The following CAMK1 variants were observed in gnomAD, a reference collection of about 807,000 sequenced individuals.
The protein encoded by CAMK1 is calcium/calmodulin dependent protein kinase I.
A neutral mutation model predicts 49.1 loss-of-function variants in CAMK1; 39 were observed. The observed-to-expected ratio is 0.79, with a 90% CI of 0.62 to 1.04. The LOEUF is 1.04. Among genes scored for constraint, CAMK1 ranks in the 50% least tolerant of loss-of-function variants. CAMK1 has a pLI of 0.00. For synonymous variants in CAMK1, 192 were observed against 185.2 expected, an observed-to-expected ratio of 1.04 and a Z score of -0.30; for missense variants, 457 against 472.2, an observed-to-expected ratio of 0.97 and a Z score of 0.30.
chr3:9,761,865 AC>A (rs2077893042), intron 5 of CAMK1, 108 bp from the exon 6 acceptor site: 15 of 1,483,622 alleles, frequency 1.0e-5, no homozygotes, highest in Non-Finnish European at 1.2e-5. Context: ...CCCAAAAGCC[AC>A]TGTGGCTTCA....
intron 2 of CAMK1, among the ~76,000 whole-genome samples, chr3:9,766,966 C>T (rs1260860718): frequency 6.6e-6 from 1 of 152,174 alleles, no homozygotes; most frequent in East Asian, 1.9e-4. Context: ...AACTGTCCCA[C>T]TTTCATCTCC....
chr3:9,761,348 A>AAGGG lies in CAMK1; in HGVS notation c.632+109_632+112dup, dbSNP rs1241474703. 2.4e-5 allele frequency: 25 copies of AAGGG among 1,059,678 alleles called. No individual in the cohort carries two copies. The South Asian group carries it at 3.8e-4, about 16-fold the overall frequency. The allele number at this position is 1,059,678 out of a possible 1,614,324, so 65.6% of individuals were successfully genotyped here. On this transcript the variant is annotated intron_variant, in intron 7 of 11. Transcript: ENST00000256460. ...ATACTGGTAATTGATTGGTGGAAGGAAGGGAGGGAGGGAAGGAAGGGAGGG... is the reference window on the plus strand; with the variant it reads ...ATACTGGTAATTGATTGGTGGAAGGAAGGGAGGGAGGGAGGGAAGGAAGGGAGGG...
chr3:9,759,164 A>G (rs2125566864), intron 10 of CAMK1: 1 of 1,567,272 alleles, frequency 6.4e-7, no homozygotes, highest in Non-Finnish European at 8.8e-7. Context: ...GCTATGCCTC[A>G]CTAATTCCTA....
intron 10 of CAMK1, 36 bp downstream of exon 10, chr3:9,759,452 G>A (rs1268095356): frequency 2.5e-6 from 4 of 1,613,908 alleles, no homozygotes; most frequent in Non-Finnish European, 2.5e-6. Context: ...AGGAGTCCTG[G>A]GGAGGCTGGG....
intron 8 of CAMK1, chr3:9,760,144 T>C (rs1448359926): frequency 4.9e-6 from 1 of 204,882 alleles, no homozygotes; most frequent in African/African-American, 2.3e-5. Context: ...CTTGGGAGGC[T>C]GAGGCAGAGA....
At chr3:9,765,922 A>C (rs753598242) in intron 2 of CAMK1, 32 bp from the exon 3 acceptor site, 2 of 1,614,006 alleles carry the variant, frequency 1.2e-6, no homozygotes, top group Non-Finnish European at 1.7e-6. Flanking sequence ...AAGGTGAAGA[A>C]CTGGAACCCC....
At chr3:9,758,777 G>T in intron 10 of CAMK1, 1 of 227,044 alleles carries the variant, frequency 4.4e-6, no homozygotes, top group Non-Finnish European at 8.9e-6. Flanking sequence ...TTACAGGCAC[G>T]CACCACCATG....
intron 1 of CAMK1, among the ~76,000 whole-genome samples, chr3:9,768,626 TG>T (rs2078222085): frequency 6.6e-6 from 1 of 152,200 alleles, no homozygotes; most frequent in African/African-American, 2.4e-5. Flanking sequence ...GGCCATCGAA[TG>T]GCCTTGGCTG....
chr3:9,764,294 AT>A (rs953511151), intron 3 of CAMK1, among the ~76,000 whole-genome samples: 18 of 150,724 alleles, frequency 1.2e-4, no homozygotes, highest in East Asian at 7.8e-4. Flanking sequence ...ATGGTAATTG[AT>A]TTTTTTTTTC....
intron 5 of CAMK1, 100 bp from the exon 6 acceptor site, chr3:9,761,857 C>A: frequency 6.6e-7 from 1 of 1,505,086 alleles, no homozygotes; most frequent in East Asian, 2.3e-5. Flanking sequence ...AATGGATCCC[C>A]AAAAGCCACT....
At chr3:9,764,844 C>T (rs1053467649) in intron 3 of CAMK1, among the ~76,000 whole-genome samples, 14 of 151,672 alleles carry the variant, frequency 9.2e-5, no homozygotes, top group Non-Finnish European at 1.8e-4. Flanking sequence ...GTTGGTCAGG[C>T]GATAATTGAT....
At chr3:9,765,506 G>T (rs1327001468) in intron 3 of CAMK1, among the ~76,000 whole-genome samples, 1 of 152,186 alleles carries the variant, frequency 6.6e-6, no homozygotes, top group African/African-American at 2.4e-5. Context: ...CTTTACACCT[G>T]ATTGAACAGT....
At chr3:9,769,321 C>G (rs1014483045) in intron 1 of CAMK1, among the ~76,000 whole-genome samples, 5 of 152,080 alleles carry the variant, frequency 3.3e-5, no homozygotes, top group Non-Finnish European at 5.9e-5. Context: ...CTGGAAGCTC[C>G]TGTATTCCAA....
In CAMK1 at chr3:9,763,403, C is replaced by CAA. The variant is rs571944870; in HGVS notation, c.216-192_216-191dup. 3.2e-3 allele frequency: 242 copies of CAA among 76,066 alleles called. 2 individuals carry two copies. Among genetic ancestry groups the CAA allele is most frequent in the Admixed American group, 0.016 (101 of 6,386 alleles). The allele number at this position is 76,066 out of a possible 1,614,324, so 4.7% of individuals were successfully genotyped here. A position where few individuals can be genotyped will look rare whatever the true frequency, so the allele number is the denominator to read the frequency against. On this transcript the variant is annotated intron_variant, in intron 3 of 11. Coordinates refer to ENST00000256460, the MANE Select transcript of CAMK1 (RefSeq NM_003656.5). Reference sequence around the variant, plus strand: ...TGGGCAACAGAGTAAGACCCTGTCTCAAAAAAAAAAAAAAAAAAACAGCGG... The same window carrying CAA: ...TGGGCAACAGAGTAAGACCCTGTCTCAAAAAAAAAAAAAAAAAAAAACAGCGG...
chr3:9,767,746 G>C lies in CAMK1; in HGVS notation c.4C>G (p.Leu2Val). The C allele has an allele frequency of 6.2e-7, 1 of 1,613,924 alleles. No individual in the cohort carries two copies. Among genetic ancestry groups the C allele is most frequent in the Non-Finnish European group, 8.5e-7 (1 of 1,179,984 alleles). Residue 2 changes from leucine to valine, a missense_variant, in exon 2 of 12, where the codon CTG becomes GTG. Transcript: ENST00000256460. ...CACCTGGGGCCTTCCACTGCCCCCA[G>C]CATGGCCCACTGCCCCCCGACCACA... M[L>V]GAVEGPRWKQ...
chr3:9,764,523 G>T (rs530237823), intron 3 of CAMK1, among the ~76,000 whole-genome samples: 6 of 151,782 alleles, frequency 4.0e-5, no homozygotes, highest in Non-Finnish European at 7.4e-5. Context: ...TGTTGGTCAG[G>T]CTGGTTTGGA....
chr3:9,759,098 C>G (rs1439813662), intron 10 of CAMK1: 1 of 1,085,082 alleles, frequency 9.2e-7, no homozygotes, highest in Non-Finnish European at 1.4e-6. Context: ...CTCAGCCCCT[C>G]CAGTCTGGCC....
rs2078264595 is a variant in CAMK1, at chr3:9,769,891, G to A, written c.-92C>T. 6.6e-6 allele frequency: 1 copy of A among 152,164 alleles called. No individual in the cohort carries two copies. The highest frequency in any genetic ancestry group is 1.5e-5 in the Non-Finnish European group (1 of 68,034). 9.4% of individuals were successfully genotyped at this position (152,164 alleles called of 1,614,324 possible). A position where few individuals can be genotyped will look rare whatever the true frequency, so the allele number is the denominator to read the frequency against. Reference sequence around the variant, plus strand: ...CCCGCGGTGGTTGGCGCCGAGCTGTGGCCGCGGTCCTCACCGCTGCGTGCC... The same window carrying A: ...CCCGCGGTGGTTGGCGCCGAGCTGTAGCCGCGGTCCTCACCGCTGCGTGCC... On this transcript the variant is annotated 5_prime_UTR_variant, in exon 1 of 12. Transcript: ENST00000256460.
Position 9,757,359 on chromosome 3 carries a change from C to G in CAMK1, c.*180G>C. 6.2e-7 allele frequency: 1 copy of G among 1,613,944 alleles called. No individual in the cohort carries two copies. Among genetic ancestry groups the G allele is most frequent in the Non-Finnish European group, 8.5e-7 (1 of 1,179,936 alleles). ...ACAGCGCTAAGGATGGTTTTATCTT[C>G]CCTTTATTACAAGAAGGAACAATAA... On this transcript the variant is annotated 3_prime_UTR_variant, in exon 12 of 12. Transcript: ENST00000256460. This position sits in a 1 kb window ranked among gnomAD's most constrained non-coding sequence, Gnocchi z 4.5.
Sources: gnomAD v4.1 joint callset for allele counts (sites outside exome capture counted in the v4.1 genomes callset) on GRCh38, gnomAD v4.1.1 for gene constraint, Gnocchi (gnomAD v3.1) non-coding constraint, MANE v1.5 for transcripts, NCBI Gene and HGNC (gene_info 2026-07-23, HGNC 2026-07-21) for gene names.